Variants in KIF5A observed in about 807,000 individuals in gnomAD.
KIF5A encodes kinesin family member 5A, also known as kinesin heavy chain isoform 5A.
KIF5A carries 35 observed loss-of-function variants against 141.3 expected under a neutral mutation model. The ratio of observed to expected loss-of-function variants is 0.25; its 90% CI spans 0.19 to 0.33. The LOEUF is 0.33. Among genes scored for constraint, KIF5A ranks in the 10% least tolerant of loss-of-function variants. KIF5A has a pLI of 1.00. For missense variants in KIF5A, 861 were observed against 1,314.3 expected (o/e 0.66, Z 5.33); for synonymous variants, 448 against 500.2 (o/e 0.90, Z 1.39).
chr12:57,576,326 C>A lies in KIF5A; in HGVS notation c.2146C>A (p.Arg716=), dbSNP rs377539747. 4 of 1,613,856 alleles carry A rather than the reference C, an allele frequency of 2.5e-6. No homozygotes were observed. Among genetic ancestry groups the A allele is most frequent in the Non-Finnish European group, 3.4e-6 (4 of 1,179,936 alleles). The part of the protein sequence containing the change: ...HREAHHRQLA[R]LRDEINEKQK... ...GGAGGCCCATCACCGGCAGCTGGCC[C>A]GGCTCCGGGACGAGATCAACGAGAA... Residue 716 remains arginine (R), a synonymous_variant, in exon 19 of 29, where the codon CGG becomes AGG. Coordinates refer to ENST00000455537, the MANE Select transcript of KIF5A (RefSeq NM_004984.4).
intron 6 of KIF5A, among the ~76,000 whole-genome samples, chr12:57,566,080 T>C (rs975579532): frequency 9.9e-5 from 15 of 151,620 alleles, no homozygotes; most frequent in Non-Finnish European, 1.6e-4. Flanking sequence ...GCCTGTGTAG[T>C]AGAGAGACAG....
In KIF5A at chr12:57,579,276, AG is replaced by A. The variant is rs562345700; in HGVS notation, c.2538+938del. ...AGGAAATGTTTGGTGCATGCTGGGT[AG>A]GGGCACTCTCACTAGCACTAAATAT... On this transcript the variant is annotated intron_variant, in intron 23 of 28. Transcript: ENST00000455537. Among the ~76,000 whole-genome samples, 15 of 152,246 alleles carry A rather than the reference AG, an allele frequency of 9.9e-5. No individual in the cohort carries two copies. In the East Asian group the frequency reaches 2.9e-3, roughly 29 times the overall value.
intron 1 of KIF5A, among the ~76,000 whole-genome samples, chr12:57,558,535 G>A (rs1375503560): frequency 1.3e-5 from 2 of 152,222 alleles, no homozygotes; most frequent in Admixed American, 6.5e-5. Context: ...TTAGCCGGGT[G>A]TGGTGGCGGG....
chr12:57,573,956 G>T (rs187993214), intron 15 of KIF5A, among the ~76,000 whole-genome samples: 2 of 151,508 alleles, frequency 1.3e-5, no homozygotes, highest in Non-Finnish European at 2.9e-5. Context: ...GGTGGCGGGC[G>T]CCTGTAGTCC....
intron 1 of KIF5A, among the ~76,000 whole-genome samples, chr12:57,551,167 GC>G (rs961111453): frequency 2.6e-5 from 4 of 152,076 alleles, no homozygotes; most frequent in African/African-American, 7.2e-5. Flanking sequence ...ATAGAAAGTA[GC>G]CATCCAGCTC....
chr12:57,561,835 T>G (rs1881917110), intron 1 of KIF5A, among the ~76,000 whole-genome samples: 1 of 152,214 alleles, frequency 6.6e-6, no homozygotes, highest in Admixed American at 6.5e-5. Flanking sequence ...TCTGTAGATA[T>G]TCATGCAATG....
chr12:57,580,143 C>G (rs1397976736), intron 23 of KIF5A, among the ~76,000 whole-genome samples: 23 of 152,158 alleles, frequency 1.5e-4, no homozygotes, highest in Admixed American at 1.4e-3. Context: ...CCCTTGAGCC[C>G]CCAGTGTTCC....
intron 6 of KIF5A, among the ~76,000 whole-genome samples, chr12:57,566,346 C>T (rs1429626229): frequency 2.6e-5 from 4 of 151,732 alleles, no homozygotes; most frequent in African/African-American, 9.7e-5. Context: ...TCAGGTGATC[C>T]GCCCACCTCA....
rs756519830 is a variant in KIF5A, at chr12:57,576,360, C to A, written c.2180C>A (p.Thr727Asn). The change falls in exon 19 of 29, where the codon ACC (threonine) becomes AAC (asparagine). Residue 727 changes from threonine to asparagine, a missense_variant. Coordinates refer to ENST00000455537, the MANE Select transcript of KIF5A (RefSeq NM_004984.4). ...GACGAGATCAACGAGAAGCAGAAGA[C>A]CATTGATGAGCTCAAAGAGTAAGGG... ...LRDEINEKQK[T>N]IDELKDLNQK... 6.2e-7 allele frequency: 1 copy of A among 1,613,856 alleles called. No homozygotes were observed. Among genetic ancestry groups the A allele is most frequent in the Non-Finnish European group, 8.5e-7 (1 of 1,179,776 alleles).
chr12:57,582,710 G>T, intron 27 of KIF5A, 81 bp downstream of exon 27: 1 of 1,165,974 alleles, frequency 8.6e-7, no homozygotes, highest in Non-Finnish European at 1.3e-6. Flanking sequence ...CCCACTTGGA[G>T]GTTCCTGGAG....
At chr12:57,576,179 T>TA in intron 18 of KIF5A, 28 bp downstream of exon 18, 1 of 1,612,490 alleles carries the variant, frequency 6.2e-7, no homozygotes. Context: ...CAGGGACAAT[T>TA]GGGGCCTGGT....
In KIF5A at chr12:57,568,968, C is replaced by T; in HGVS notation, c.720C>T (p.Ser240=). 2 of 1,612,374 alleles carry T rather than the reference C, an allele frequency of 1.2e-6. No individual in the cohort carries two copies. Among genetic ancestry groups the T allele is most frequent in the Non-Finnish European group, 1.7e-6 (2 of 1,178,706 alleles). Residue 240 remains serine (S), a synonymous_variant, in exon 9 of 29, where the codon AGC becomes AGT. Coordinates refer to ENST00000455537, the MANE Select transcript of KIF5A (RefSeq NM_004984.4). Reference sequence around the variant, plus strand: ...ATCTCTTACTGCCCTGGTAGGTCAGCAAGACTGGAGCAGAGGGAGCCGTGC... The same window carrying T: ...ATCTCTTACTGCCCTGGTAGGTCAGTAAGACTGGAGCAGAGGGAGCCGTGC... ...LVDLAGSEKV[S]KTGAEGAVLD... is the part of the protein sequence containing the mutation.
chr12:57,559,958 C>T (rs1320200937), intron 1 of KIF5A, among the ~76,000 whole-genome samples: 6 of 152,194 alleles, frequency 3.9e-5, no homozygotes, highest in Non-Finnish European at 7.3e-5. Flanking sequence ...GTGGCGCGAT[C>T]TCGGCTCACT....
At chr12:57,578,112 C>T (rs374498835) in intron 22 of KIF5A, 32 bp downstream of exon 22, 4 of 1,596,630 alleles carry the variant, frequency 2.5e-6, no homozygotes, top group Admixed American at 1.7e-5. Flanking sequence ...TTGTCAGCCC[C>T]CACATCCTCC....
chr12:57,578,350 T>A lies in KIF5A; in HGVS notation c.2538+8T>A, dbSNP rs377005699. On this transcript the variant is annotated splice_region_variant and intron_variant, in intron 23 of 28. Coordinates refer to ENST00000455537, the MANE Select transcript of KIF5A (RefSeq NM_004984.4). Reference sequence around the variant, plus strand: ...ACAAAGGTTCACAAACAGGTAAGAGTCTGCTGAAGGAGTGAAGAGAATTTT... The same window carrying A: ...ACAAAGGTTCACAAACAGGTAAGAGACTGCTGAAGGAGTGAAGAGAATTTT... 1 of 1,598,418 alleles carries A rather than the reference T, an allele frequency of 6.3e-7. No individual in the cohort carries two copies. Among genetic ancestry groups the A allele is most frequent in the East Asian group, 2.2e-5 (1 of 44,818 alleles).
chr12:57,573,387 T>C (rs1882315247), intron 15 of KIF5A, among the ~76,000 whole-genome samples: 1 of 151,616 alleles, frequency 6.6e-6, no homozygotes, highest in African/African-American at 2.4e-5. Flanking sequence ...AACGATTAGC[T>C]GGGGGTGGTG....
chr12:57,561,923 C>T (rs573957265), intron 1 of KIF5A, among the ~76,000 whole-genome samples: 20 of 152,298 alleles, frequency 1.3e-4, no homozygotes, highest in Middle Eastern at 6.8e-3. Flanking sequence ...AACATATCTC[C>T]CAAACTCTGC....
intron 23 of KIF5A, among the ~76,000 whole-genome samples, chr12:57,580,194 C>T (rs1232806956): frequency 6.6e-6 from 1 of 152,134 alleles, no homozygotes; most frequent in Non-Finnish European, 1.5e-5. Context: ...AGGCCCTGCT[C>T]CTTTTGCAAC....
Position 57,572,328 on chromosome 12 carries a change from G to A in KIF5A, c.1569+61G>A. 2 of 1,505,626 alleles carry A rather than the reference G, an allele frequency of 1.3e-6. No individual in the cohort carries two copies. The allele number at this position is 1,505,626 out of a possible 1,614,324, so 93.3% of individuals were successfully genotyped here. ...CCACAGAACATCTCCCATGTCGAGG[G>A]GACCTCTGCATCCTTCCAGGGCTGT... On this transcript the variant is annotated intron_variant, in intron 14 of 28. Transcript: ENST00000455537. The surrounding 1 kb of genome is among the most constrained non-coding windows in gnomAD (Gnocchi z 4.2).
Sources: gnomAD v4.1 joint callset for allele counts (sites outside exome capture counted in the v4.1 genomes callset) on GRCh38, gnomAD v4.1.1 for gene constraint, Gnocchi (gnomAD v3.1) non-coding constraint, MANE v1.5 for transcripts, NCBI Gene and HGNC (gene_info 2026-07-23, HGNC 2026-07-21) for gene names.